The following ZNF618 variants were observed in gnomAD, a reference collection of about 807,000 sequenced individuals.
ZNF618 encodes neural precursor cell expressed, developmentally down-regulated 10.
Under a neutral mutation model 103.0 loss-of-function variants are expected in ZNF618, and 34 were observed. That is an observed-to-expected ratio of 0.33 (90% CI 0.25 to 0.44). The LOEUF (loss-of-function observed/expected upper bound fraction) is 0.44, where lower values mean the gene tolerates loss of function less well. Among genes scored for constraint, ZNF618 ranks in the 20% least tolerant of loss-of-function variants. The pLI is 1.00. For synonymous variants in ZNF618, 551 were observed against 542.2 expected, an observed-to-expected ratio of 1.02 and a Z score of -0.23; for missense variants, 1,059 against 1,295.4, an observed-to-expected ratio of 0.82 and a Z score of 2.80.
chr9:113,953,871 A>T (rs1331575708), intron 1 of ZNF618, among the ~76,000 whole-genome samples: 2 of 152,154 alleles, frequency 1.3e-5, no homozygotes, highest in East Asian at 3.9e-4. Context: ...GACAGGTAAT[A>T]AAAAGATGAC....
At chr9:113,937,964 G>T (rs952572857) in intron 1 of ZNF618, among the ~76,000 whole-genome samples, 2 of 152,060 alleles carry the variant, frequency 1.3e-5, no homozygotes, top group African/African-American at 4.8e-5. Context: ...GTACCAGGGG[G>T]CTCTAAAAAT....
At chr9:113,895,377 T>A (rs982416894) in intron 1 of ZNF618, among the ~76,000 whole-genome samples, 14 of 152,134 alleles carry the variant, frequency 9.2e-5, no homozygotes, top group African/African-American at 3.4e-4. Context: ...TATTAATAGA[T>A]TTTCTAATAT....
intron 1 of ZNF618, among the ~76,000 whole-genome samples, chr9:113,931,562 G>GTGT (rs1833590213): frequency 1.3e-5 from 2 of 152,272 alleles, no homozygotes; most frequent in South Asian, 4.1e-4. Context: ...GAAGGTTTAG[G>GTGT]TGTGGGAAGG....
chr9:113,898,438 GT>G lies in ZNF618; in HGVS notation c.33+22043del, dbSNP rs11457055. On this transcript the variant is annotated intron_variant, in intron 1 of 14. Coordinates refer to ENST00000374126, the MANE Select transcript of ZNF618 (RefSeq NM_001318042.2). ...CAGTAGCTGCTTCCTCAGATTTTTCGTTTTTTTTTTTTTTTTTTAAGAGATG... is the reference window on the plus strand; with the variant it reads ...CAGTAGCTGCTTCCTCAGATTTTTCGTTTTTTTTTTTTTTTTTAAGAGATG... Among the ~76,000 whole-genome samples, 274 of 124,018 alleles carry G rather than the reference GT, an allele frequency of 2.2e-3. 1 individual carries two copies. Among genetic ancestry groups the G allele is most frequent in the Admixed American group, 2.6e-3 (32 of 12,116 alleles). The allele number at this position is 124,018 out of a possible 152,430, so 81.4% of individuals were successfully genotyped here. A position where few individuals can be genotyped will look rare whatever the true frequency, so the allele number is the denominator to read the frequency against.
intron 13 of ZNF618, among the ~76,000 whole-genome samples, chr9:114,040,996 T>C (rs1170395810): frequency 2.0e-5 from 3 of 152,216 alleles, no homozygotes; most frequent in African/African-American, 2.4e-5. Context: ...GCACCTGTTG[T>C]TTCCTGACTT....
chr9:113,956,392 C>T lies in ZNF618; in HGVS notation c.34-12725C>T, dbSNP rs527798128. ...TTTCTCAACACATGGTCCCAGGCAG[C>T]CACTACTAAATGGTTAGAACAGGCC... On this transcript the variant is annotated intron_variant, in intron 1 of 14. Coordinates refer to ENST00000374126, the MANE Select transcript of ZNF618 (RefSeq NM_001318042.2). 3.3e-5 allele frequency among the ~76,000 whole-genome samples: 5 copies of T among 152,200 alleles called. No individual in the cohort carries two copies. The South Asian group carries it at 1.0e-3, about 32-fold the overall frequency.
In ZNF618 at chr9:114,050,780, C is replaced by G. The variant is rs554492754; in HGVS notation, c.*613C>G. 6.5e-6 allele frequency: 1 copy of G among 153,036 alleles called. No homozygotes were observed. Among genetic ancestry groups the G allele is most frequent in the Non-Finnish European group, 1.5e-5 (1 of 68,360 alleles). 9.5% of individuals were successfully genotyped at this position (153,036 alleles called of 1,614,324 possible). A position where few individuals can be genotyped will look rare whatever the true frequency, so the allele number is the denominator to read the frequency against. On this transcript the variant is annotated 3_prime_UTR_variant, in exon 15 of 15. Transcript: ENST00000374126. ...CCCATTGTGCACCCCCCCACACACT[C>G]GGCTGCTCTGCTGTGGACTCTCCAC... is the stretch of plus-strand genomic sequence containing the variant.
chr9:113,920,407 T>C (rs1588043826), intron 1 of ZNF618, among the ~76,000 whole-genome samples: 1 of 28,390 alleles, frequency 3.5e-5, no homozygotes, highest in South Asian at 7.7e-4. Context: ...GAGTCACAAT[T>C]TTTTTTTTTT....
chr9:113,877,894 AAACT>A (rs1467272514), intron 1 of ZNF618, among the ~76,000 whole-genome samples: 4 of 152,170 alleles, frequency 2.6e-5, no homozygotes, highest in African/African-American at 7.2e-5. Context: ...TATTATGAAA[AAACT>A]AACAGTGGAT....
At chr9:113,891,288 C>T (rs1045082671) in intron 1 of ZNF618, among the ~76,000 whole-genome samples, 1 of 151,938 alleles carries the variant, frequency 6.6e-6, no homozygotes, top group Non-Finnish European at 1.5e-5. Flanking sequence ...TAAAGAAATC[C>T]TATAAATCAA....
At chr9:113,983,326 T>G (rs977244588) in intron 2 of ZNF618, among the ~76,000 whole-genome samples, 2 of 152,224 alleles carry the variant, frequency 1.3e-5, no homozygotes, top group African/African-American at 4.8e-5. Context: ...TTAGGACACC[T>G]AATTAAATGC....
At chr9:114,010,954 TAAGTTGCGGAC>T (rs1842186239) in intron 9 of ZNF618, among the ~76,000 whole-genome samples, 1 of 152,174 alleles carries the variant, frequency 6.6e-6, no homozygotes, top group East Asian at 1.9e-4. Flanking sequence ...GAGTATCCCA[TAAGTTGCGGAC>T]AAGCACATCT....
chr9:114,002,177 T>C, intron 5 of ZNF618, 104 bp downstream of exon 5: 3 of 980,720 alleles, frequency 3.1e-6, no homozygotes, highest in Non-Finnish European at 4.8e-6. Flanking sequence ...CCCTGACAGC[T>C]CCAGCCTTTC....
chr9:113,883,438 T>C (rs1828721465), intron 1 of ZNF618, among the ~76,000 whole-genome samples: 1 of 152,236 alleles, frequency 6.6e-6, no homozygotes, highest in Non-Finnish European at 1.5e-5. Context: ...CAGTGCCCTG[T>C]ATTTATGCCT....
chr9:113,894,673 C>G lies in ZNF618; in HGVS notation c.33+18260C>G, dbSNP rs912186957. ...GAGTTTTCCAAATAAGTTTTGAGCACTTATTTTTAAGTTTATTCCTAGATA... is the reference window on the plus strand; with the variant it reads ...GAGTTTTCCAAATAAGTTTTGAGCAGTTATTTTTAAGTTTATTCCTAGATA... On this transcript the variant is annotated intron_variant, in intron 1 of 14. Coordinates refer to ENST00000374126, the MANE Select transcript of ZNF618 (RefSeq NM_001318042.2). 1.1e-4 allele frequency among the ~76,000 whole-genome samples: 16 copies of G among 152,110 alleles called. 1 individual carries two copies.
At chr9:113,998,768 AC>A (rs1840877802) in intron 4 of ZNF618, among the ~76,000 whole-genome samples, 1 of 152,200 alleles carries the variant, frequency 6.6e-6, no homozygotes, top group Non-Finnish European at 1.5e-5. Context: ...CCTCCCCAGG[AC>A]AGGCCACGCC....
rs185222749 is a variant in ZNF618 at position 113,882,375 on chromosome 9, G to C, written c.33+5962G>C. Among the ~76,000 whole-genome samples the C allele has an allele frequency of 1.7e-3, 252 of 152,304 alleles. 1 individual carries two copies. The highest frequency in any genetic ancestry group is 2.1e-4 in the Non-Finnish European group (14 of 68,034). On this transcript the variant is annotated intron_variant, in intron 1 of 14. Transcript: ENST00000374126. ...GGGTTAATGATCCCAGCCTTGCAGG[G>C]TTGTTTTAGGATTAAATGAAGGGGT...
intron 2 of ZNF618, among the ~76,000 whole-genome samples, chr9:113,971,082 GC>G (rs1370490748): frequency 1.3e-5 from 2 of 151,100 alleles, no homozygotes; most frequent in Non-Finnish European, 2.9e-5. Context: ...GCCAGCAGCT[GC>G]CCAGCGTTTT....
intron 1 of ZNF618, among the ~76,000 whole-genome samples, chr9:113,878,464 A>C (rs1307300847): frequency 6.6e-6 from 1 of 152,258 alleles, no homozygotes; most frequent in Non-Finnish European, 1.5e-5. Flanking sequence ...TGGCCTTAAA[A>C]TGAATCACAT....
Sources: allele counts gnomAD v4.1 joint callset (sites outside exome capture counted in the v4.1 genomes callset), GRCh38; gene constraint gnomAD v4.1.1; transcripts MANE v1.5; gene names NCBI Gene and HGNC (gene_info 2026-07-23, HGNC 2026-07-21).